ZC2HC1A: variants seen among roughly 807,000 people sequenced by gnomAD.
The protein encoded by ZC2HC1A is zinc finger C2HC-type containing 1A.
ZC2HC1A carries 28 observed loss-of-function variants against 40.7 expected under a neutral mutation model. That is an observed-to-expected ratio of 0.69 (90% CI 0.51 to 0.94). The LOEUF (loss-of-function observed/expected upper bound fraction) is 0.94. Among genes scored for constraint, ZC2HC1A ranks in the 40% least tolerant of loss-of-function variants. ZC2HC1A has a pLI of 0.00. For missense variants in ZC2HC1A, 389 were observed against 386.3 expected (o/e 1.01, Z -0.06); for synonymous variants, 129 against 129.2 (o/e 1.00, Z 0.01).
At chr8:78,669,109 A>C (rs1369408255) in intron 1 of ZC2HC1A, among the ~76,000 whole-genome samples, 1 of 152,160 alleles carries the variant, frequency 6.6e-6, no homozygotes, top group Non-Finnish European at 1.5e-5. Flanking sequence ...CGTAGTATAA[A>C]TGTATACTAG....
At chr8:78,711,681 G>T (rs1435150459) in intron 7 of ZC2HC1A, among the ~76,000 whole-genome samples, 2 of 151,918 alleles carry the variant, frequency 1.3e-5, no homozygotes, top group African/African-American at 4.8e-5. Flanking sequence ...ATAGCTTCAT[G>T]ATTTTTTTTT....
chr8:78,713,211 A>G (rs1357669986), intron 7 of ZC2HC1A, among the ~76,000 whole-genome samples: 1 of 152,218 alleles, frequency 6.6e-6, no homozygotes, highest in Non-Finnish European at 1.5e-5. Flanking sequence ...CTGAACAGAA[A>G]GAAAAATTTG....
In ZC2HC1A at chr8:78,675,854, A is replaced by G. The variant is rs1230471418; in HGVS notation, c.84A>G (p.Pro28=). The G allele has an allele frequency of 1.2e-6, 2 of 1,611,046 alleles. No individual in the cohort carries two copies. Among genetic ancestry groups the G allele is most frequent in the South Asian group, 2.2e-5 (2 of 90,848 alleles). ...PCKICGRTFF[P]VALKKHGPIC... ...AGATTTGTGGAAGAACATTCTTTCC[A>G]GTAGCATTAGTGAGTAGACTGATTT... Residue 28 remains proline (P), a synonymous_variant, in exon 2 of 9, where the codon CCA becomes CCG. Transcript: ENST00000263849.
At chr8:78,698,259 C>T (rs542904570) in intron 6 of ZC2HC1A, among the ~76,000 whole-genome samples, 155 bp from the exon 7 acceptor site, 31 of 152,266 alleles carry the variant, frequency 2.0e-4, no homozygotes, top group African/African-American at 7.0e-4. Context: ...TGCTATATGT[C>T]GTCCTCTGGA....
intron 1 of ZC2HC1A, among the ~76,000 whole-genome samples, chr8:78,673,235 G>A (rs1279039720): frequency 6.6e-6 from 1 of 152,114 alleles, no homozygotes; most frequent in Non-Finnish European, 1.5e-5. Context: ...TCCCTGCAAA[G>A]GACATGAACT....
chr8:78,675,666 C>G, intron 1 of ZC2HC1A, 121 bp from the exon 2 acceptor site: 1 of 867,250 alleles, frequency 1.2e-6, no homozygotes, highest in South Asian at 1.9e-5. Flanking sequence ...TTTCAAAATG[C>G]AGTAAAACAT....
chr8:78,697,366 A>C lies in ZC2HC1A; in HGVS notation c.505-41A>C, dbSNP rs1302626754. The C allele has an allele frequency of 4.7e-6, 7 of 1,497,778 alleles. No homozygotes were observed. The East Asian group carries it at 1.4e-4, about 30-fold the overall frequency. 92.8% of individuals were successfully genotyped at this position (1,497,778 alleles called of 1,614,324 possible). On this transcript the variant is annotated intron_variant, in intron 5 of 8. Transcript: ENST00000263849. ...AACCACTACTTTACAATCCATAATC[A>C]AAAAGTGATGTTGATTAATATTTTT...
At chr8:78,668,290 C>T (rs1809357117) in intron 1 of ZC2HC1A, among the ~76,000 whole-genome samples, 1 of 152,104 alleles carries the variant, frequency 6.6e-6, no homozygotes, top group South Asian at 2.1e-4. Flanking sequence ...TAGGTAGTTT[C>T]TTACCTCTAT....
At chr8:78,672,548 C>A (rs926656219) in intron 1 of ZC2HC1A, among the ~76,000 whole-genome samples, 6 of 152,112 alleles carry the variant, frequency 3.9e-5, no homozygotes, top group African/African-American at 1.4e-4. Flanking sequence ...AGCAGTATTT[C>A]TTCATGCCTT....
chr8:78,699,338 A>G (rs1432137484), intron 7 of ZC2HC1A, among the ~76,000 whole-genome samples: 1 of 152,106 alleles, frequency 6.6e-6, no homozygotes, highest in Non-Finnish European at 1.5e-5. Context: ...AAATTTACTT[A>G]TTTTTTATTT....
intron 1 of ZC2HC1A, among the ~76,000 whole-genome samples, chr8:78,671,348 A>C (rs1318734522): frequency 1.3e-5 from 2 of 152,212 alleles, no homozygotes; most frequent in African/African-American, 4.8e-5. Flanking sequence ...CTAGAATATT[A>C]AAGTACTTTA....
At chr8:78,675,440 A>T (rs1809549820) in intron 1 of ZC2HC1A, among the ~76,000 whole-genome samples, 2 of 151,922 alleles carry the variant, frequency 1.3e-5, no homozygotes. Flanking sequence ...AATAAGATAA[A>T]TTTTGTTCTT....
chr8:78,680,973 T>C (rs1468785852), intron 3 of ZC2HC1A, among the ~76,000 whole-genome samples: 1 of 151,518 alleles, frequency 6.6e-6, no homozygotes, highest in African/African-American at 2.4e-5. Context: ...ATGGTGGGAG[T>C]AGGAACAGAG....
chr8:78,719,304 G>T lies in ZC2HC1A; in HGVS notation c.*1811G>T, dbSNP rs1811193278. On this transcript the variant is annotated 3_prime_UTR_variant, in exon 9 of 9. Transcript: ENST00000263849. The stretch of plus-strand genomic sequence containing the variant: ...ATAGATAAATAATTGGCACACATTT[G>T]TTTCTCACTGAATTTTACAGTAGTA... The T allele has an allele frequency of 6.6e-6, 1 of 151,564 alleles. No homozygotes were observed. Among genetic ancestry groups the T allele is most frequent in the Non-Finnish European group, 1.5e-5 (1 of 67,630 alleles). 9.4% of individuals were successfully genotyped at this position (151,564 alleles called of 1,614,324 possible). A position where few individuals can be genotyped will look rare whatever the true frequency, so the allele number is the denominator to read the frequency against.
At chr8:78,666,488 C>G (rs944381051) in intron 1 of ZC2HC1A, among the ~76,000 whole-genome samples, 4 of 152,182 alleles carry the variant, frequency 2.6e-5, no homozygotes, top group African/African-American at 9.7e-5. Flanking sequence ...TTTAGTGATC[C>G]CAGTCTCTGG....
rs140571736 is a variant in ZC2HC1A at position 78,701,732 on chromosome 8, G to A, written c.704+3219G>A. Among the ~76,000 whole-genome samples, 269 of 152,178 alleles carry A rather than the reference G, an allele frequency of 1.8e-3. 1 individual carries two copies. Among genetic ancestry groups the A allele is most frequent in the Non-Finnish European group, 2.8e-3 (188 of 67,994 alleles). On this transcript the variant is annotated intron_variant, in intron 7 of 8. Coordinates refer to ENST00000263849, the MANE Select transcript of ZC2HC1A (RefSeq NM_016010.3). ...GTTGAATTTTATTGAAAACCTTTTC[G>A]TCATCTATTAAGATAATCATGTGCT...
intron 8 of ZC2HC1A, among the ~76,000 whole-genome samples, chr8:78,716,775 G>GGA (rs1811119479): frequency 6.6e-6 from 1 of 152,160 alleles, no homozygotes; most frequent in Non-Finnish European, 1.5e-5. Context: ...CAACGTTAGA[G>GGA]GAGGGGCCTG....
chr8:78,697,625 G>C (rs963884252), intron 6 of ZC2HC1A, 119 bp downstream of exon 6: 1 of 669,206 alleles, frequency 1.5e-6, no homozygotes, highest in African/African-American at 1.9e-5. Flanking sequence ...AAGAGATGTA[G>C]AAGTTAAGTA....
chr8:78,696,192 G>A (rs978475831), intron 5 of ZC2HC1A, among the ~76,000 whole-genome samples: 2 of 151,840 alleles, frequency 1.3e-5, no homozygotes, highest in African/African-American at 2.4e-5. Flanking sequence ...CCGCTACCAC[G>A]CCCGGCTAAT....
Sources: allele counts gnomAD v4.1 joint callset (sites outside exome capture counted in the v4.1 genomes callset), GRCh38; gene constraint gnomAD v4.1.1; transcripts MANE v1.5; gene names NCBI Gene and HGNC (gene_info 2026-07-23, HGNC 2026-07-21).